Variants in CACNA1E observed in about 807,000 individuals in gnomAD.
CACNA1E encodes calcium voltage-gated channel subunit alpha1 E.
A neutral mutation model predicts 259.2 loss-of-function variants in CACNA1E; 40 were observed. That is an observed-to-expected ratio of 0.15 (90% CI 0.12 to 0.20). The LOEUF is 0.20. Ranked by LOEUF, CACNA1E falls within the 10% of genes least tolerant of loss-of-function variation. The pLI, the probability that CACNA1E is intolerant of heterozygous loss-of-function variation, is 1.00. For synonymous variants in CACNA1E, 1,104 were observed against 1,138.5 expected (o/e 0.97, Z 0.61); for missense variants, 1,874 against 3,040.1 (o/e 0.62, Z 9.02).
At chr1:181,629,535 A>C (rs966450382) in intron 6 of CACNA1E, among the ~76,000 whole-genome samples, 16 of 152,208 alleles carry the variant, frequency 1.1e-4, no homozygotes, top group Non-Finnish European at 1.2e-4. Flanking sequence ...TATTTGACTT[A>C]GTAACATTAA....
intron 6 of CACNA1E, among the ~76,000 whole-genome samples, chr1:181,597,289 GA>G (rs1250684764): frequency 6.6e-6 from 1 of 152,158 alleles, no homozygotes; most frequent in African/African-American, 2.4e-5. Flanking sequence ...GTGGATTTGA[GA>G]GGAGAAAGGG....
chr1:181,337,280 C>T (rs1051541863), intron 1 of CACNA1E, among the ~76,000 whole-genome samples: 30 of 151,934 alleles, frequency 2.0e-4, no homozygotes, highest in Admixed American at 5.2e-4. Flanking sequence ...CTCAGCCTCC[C>T]GAGTAGCTGG....
chr1:181,357,171 C>G (rs571809688), intron 1 of CACNA1E, among the ~76,000 whole-genome samples: 1 of 152,242 alleles, frequency 6.6e-6, no homozygotes, highest in African/African-American at 2.4e-5. Flanking sequence ...TGTTCTTGCT[C>G]TTGGATCAGC....
At chr1:181,579,895 T>C (rs751210020) in intron 5 of CACNA1E, among the ~76,000 whole-genome samples, 1 of 152,162 alleles carries the variant, frequency 6.6e-6, no homozygotes, top group Admixed American at 6.6e-5. Context: ...ATGGAAGAAC[T>C]GAGGGAGCTC....
intron 6 of CACNA1E, among the ~76,000 whole-genome samples, chr1:181,632,013 G>A (rs1388048459): frequency 6.6e-6 from 1 of 152,180 alleles, no homozygotes; most frequent in Non-Finnish European, 1.5e-5. Context: ...GGTATCAACA[G>A]CAACAAATCT....
At chr1:181,537,073 G>A (rs1239196875) in intron 3 of CACNA1E, among the ~76,000 whole-genome samples, 2 of 150,712 alleles carry the variant, frequency 1.3e-5, no homozygotes, top group East Asian at 1.9e-4. Flanking sequence ...GAGGGCTGGG[G>A]GCCGTGGTTT....
chr1:181,525,206 ATCC>A (rs764617128), intron 3 of CACNA1E, among the ~76,000 whole-genome samples: 21 of 152,242 alleles, frequency 1.4e-4, no homozygotes, highest in Non-Finnish European at 2.9e-4. Context: ...CTGTCCATCT[ATCC>A]TCCTTTCATT....
At chr1:181,749,467 G>A (rs1223759339) in intron 25 of CACNA1E, among the ~76,000 whole-genome samples, 1 of 152,178 alleles carries the variant, frequency 6.6e-6, no homozygotes, top group Non-Finnish European at 1.5e-5. Context: ...AAAACCTGCT[G>A]ATGCAGAGCC....
Position 181,795,932 on chromosome 1 carries a change from T to C in CACNA1E, c.6209-736T>C, listed in dbSNP as rs1661767441. Among the ~76,000 whole-genome samples, 8 of 152,046 alleles carry C rather than the reference T, an allele frequency of 5.3e-5. No homozygotes were observed. The South Asian group carries it at 1.5e-3, about 28-fold the overall frequency. On this transcript the variant is annotated intron_variant, in intron 46 of 47. Transcript: ENST00000367573. ...CATTTCAATCCTGGACTTCTCACCA[T>C]AGCATTATGTTAGGTGTGTTATTAT...
intron 4 of CACNA1E, among the ~76,000 whole-genome samples, chr1:181,578,493 G>A (rs1651199551): frequency 6.6e-6 from 1 of 152,214 alleles, no homozygotes; most frequent in African/African-American, 2.4e-5. Flanking sequence ...CTTGGGCCTG[G>A]GAGGCCAAGG....
intron 3 of CACNA1E, among the ~76,000 whole-genome samples, chr1:181,539,416 A>C (rs1288502190): frequency 6.6e-6 from 1 of 152,220 alleles, no homozygotes. Context: ...TGAATGGCAG[A>C]TATGAAAGGG....
rs373203298 is a variant in CACNA1E, at chr1:181,429,628, TTGTG to T, written c.434+16053_434+16056del. Among the ~76,000 whole-genome samples, 8 of 152,248 alleles carry T rather than the reference TTGTG, an allele frequency of 5.3e-5. No individual in the cohort carries two copies. In the East Asian group the frequency reaches 1.5e-3, roughly 29 times the overall value. On this transcript the variant is annotated intron_variant, in intron 2 of 11. Coordinates refer to the CACNA1E transcript ENST00000524607. ...GGGCTGAGGACACCAGCATTCAGGG[TTGTG>T]TGTGAGGTGCTTAGTATGATTATTA...
intron 1 of CACNA1E, among the ~76,000 whole-genome samples, chr1:181,498,782 T>A (rs1328809734): frequency 6.6e-6 from 1 of 152,176 alleles, no homozygotes; most frequent in African/African-American, 2.4e-5. Flanking sequence ...CATCCTTTTG[T>A]CACATTTTCT....
intron 12 of CACNA1E, among the ~76,000 whole-genome samples, chr1:181,718,647 CA>C: frequency 1.3e-5 from 2 of 151,424 alleles, no homozygotes; most frequent in African/African-American, 2.4e-5. Flanking sequence ...CACACACACA[CA>C]CACACACACA....
intron 37 of CACNA1E, among the ~76,000 whole-genome samples, chr1:181,772,927 C>G (rs1031343685): frequency 3.3e-5 from 5 of 152,132 alleles, no homozygotes; most frequent in Non-Finnish European, 5.9e-5. Context: ...CATGACTCAG[C>G]ACACCCACTT....
chr1:181,363,614 T>A (rs544975963), intron 1 of CACNA1E, among the ~76,000 whole-genome samples: 1 of 151,928 alleles, frequency 6.6e-6, no homozygotes, highest in South Asian at 2.1e-4. Flanking sequence ...GAGCATAAAT[T>A]GCACAAAACA....
chr1:181,782,973 G>A lies in CACNA1E; in HGVS notation c.5365-706G>A, dbSNP rs192634477. On this transcript the variant is annotated intron_variant, in intron 39 of 47. Coordinates refer to ENST00000367573, the MANE Select transcript of CACNA1E (RefSeq NM_001205293.3). ...AGTGTGATCCCTTTCTTTGGGTAAG[G>A]GGAACAAGGCCTGCCCACTCTGCTC... Among the ~76,000 whole-genome samples the A allele has an allele frequency of 2.8e-3, 421 of 152,142 alleles. 6 individuals carry two copies. Among genetic ancestry groups the A allele is most frequent in the Admixed American group, 8.2e-3 (126 of 15,286 alleles).
intron 7 of CACNA1E, among the ~76,000 whole-genome samples, chr1:181,695,344 T>C (rs1230499364): frequency 6.6e-6 from 1 of 152,192 alleles, no homozygotes; most frequent in East Asian, 1.9e-4. Flanking sequence ...ATCAAAATTC[T>C]AGCAGGTTAA....
intron 43 of CACNA1E, among the ~76,000 whole-genome samples, chr1:181,788,467 CAGTG>C (rs1332279571): frequency 1.3e-5 from 2 of 152,282 alleles, no homozygotes; most frequent in Admixed American, 1.3e-4. Flanking sequence ...GTTGCATTTT[CAGTG>C]ATTTACTTAC....
Sources: allele counts gnomAD v4.1 joint callset (sites outside exome capture counted in the v4.1 genomes callset), GRCh38; gene constraint gnomAD v4.1.1; transcripts MANE v1.5; gene names NCBI Gene and HGNC (gene_info 2026-07-23, HGNC 2026-07-21).